The following NRDC variants were observed in gnomAD, a reference collection of about 807,000 sequenced individuals.
NRDC encodes the protein nardilysin.
In NRDC, 54 loss-of-function variants were observed where a neutral mutation model predicts 147.1. The ratio of observed to expected loss-of-function variants is 0.37; its 90% confidence interval spans 0.29 to 0.46. The LOEUF is 0.46. Ranked by LOEUF, NRDC falls within the 20% of genes least tolerant of loss-of-function variation. The pLI is 1.00. For missense variants in NRDC, 1,082 were observed against 1,370.6 expected (o/e 0.79, Z 3.33); for synonymous variants, 440 against 482.1 (o/e 0.91, Z 1.14).
At chr1:51,874,986 T>C (rs1460201802) in intron 1 of NRDC, among the ~76,000 whole-genome samples, 3 of 152,230 alleles carry the variant, frequency 2.0e-5, no homozygotes, top group Non-Finnish European at 4.4e-5. Context: ...TGATGCTATG[T>C]ACTGTAATGG....
chr1:51,798,347 T>G lies in NRDC; in HGVS notation c.2506A>C (p.Met836Leu). Residue 836 changes from methionine (M) to leucine (L), a missense_variant, in exon 22 of 31, where the codon ATG becomes CTG. Met to Leu is a conservative substitution (Grantham distance 15). Transcript: ENST00000352171. ...AGAGACTCAAGGGAAAGGCCGTCCATCAAAGCCTGGTACTTGTCAATCATA... is the reference window on the plus strand; with the variant it reads ...AGAGACTCAAGGGAAAGGCCGTCCAGCAAAGCCTGGTACTTGTCAATCATA... Reference protein sequence around the residue: ...WSMIDKYQALMDGLSLESLLS... With the variant: ...WSMIDKYQALLDGLSLESLLS... 6.2e-7 allele frequency: 1 copy of G among 1,614,066 alleles called. No individual in the cohort carries two copies. The highest frequency in any genetic ancestry group is 1.7e-5 in the Admixed American group (1 of 60,026).
At chr1:51,855,401 A>G (rs553254059) in intron 1 of NRDC, among the ~76,000 whole-genome samples, 34 of 152,250 alleles carry the variant, frequency 2.2e-4, no homozygotes, top group African/African-American at 7.7e-4. Context: ...AAAAGGAAAG[A>G]ATGTTTTTAT....
intron 14 of NRDC, among the ~76,000 whole-genome samples, 169 bp downstream of exon 14, chr1:51,813,866 C>A (rs1184793286): frequency 6.6e-6 from 1 of 152,110 alleles, no homozygotes; most frequent in Non-Finnish European, 1.5e-5. Context: ...TATAAATACT[C>A]AAAAACCCAA....
chr1:51,820,748 T>A (rs1680174284), intron 8 of NRDC, among the ~76,000 whole-genome samples: 1 of 152,150 alleles, frequency 6.6e-6, no homozygotes, highest in African/African-American at 2.4e-5. Context: ...ATTAGAAGAC[T>A]AATTGGGAAA....
At chr1:51,846,479 C>G (rs1681596487) in intron 1 of NRDC, among the ~76,000 whole-genome samples, 1 of 152,208 alleles carries the variant, frequency 6.6e-6, no homozygotes, top group Non-Finnish European at 1.5e-5. Context: ...TTCTTGGTCT[C>G]ACTGACTTCA....
At chr1:51,824,044 CT>C (rs1349864379) in intron 6 of NRDC, among the ~76,000 whole-genome samples, 6 of 151,698 alleles carry the variant, frequency 4.0e-5, no homozygotes, top group Non-Finnish European at 8.8e-5. Flanking sequence ...ACTCCCTAAG[CT>C]TCCTTGCTTA....
chr1:51,837,326 A>G, intron 2 of NRDC: 1 of 563,670 alleles, frequency 1.8e-6, no homozygotes. Flanking sequence ...GCCATGTGTC[A>G]GAAAATGAGT....
intron 1 of NRDC, among the ~76,000 whole-genome samples, chr1:51,864,425 A>G (rs1471262135): frequency 6.6e-6 from 1 of 152,200 alleles, no homozygotes; most frequent in Non-Finnish European, 1.5e-5. Flanking sequence ...CAAAAAACAT[A>G]CTATATTTTG....
chr1:51,790,844 T>C, intron 28 of NRDC, 56 bp downstream of exon 28: 1 of 1,443,474 alleles, frequency 6.9e-7, no homozygotes, highest in Non-Finnish European at 9.6e-7. Context: ...CTGTTAAGAT[T>C]TGTATCTGGG....
chr1:51,816,416 G>C (rs567036715), intron 10 of NRDC, 27 bp from the exon 11 acceptor site: 1 of 1,428,842 alleles, frequency 7.0e-7, no homozygotes, highest in Non-Finnish European at 9.5e-7. Context: ...ATGGTCAGAA[G>C]AAAAAAACAA....
Position 51,792,411 on chromosome 1 carries a change from C to T in NRDC, c.2789G>A (p.Ser930Asn). ...CTCCATAAGCGTATATTCTCTTAGA[C>T]TCCTGGTACCTGACTGAAAAGAGAA... ...VTVYYQSGTR[S>N]LREYTLMELL... The change falls in exon 25 of 31, where the codon AGT (serine) becomes AAT (asparagine). Residue 930 changes from serine (S) to asparagine (N), a missense_variant. By Grantham distance (46) the Ser-to-Asn change is conservative (BLOSUM62 1). Around this residue, in one of 3 missense-constraint regions of NRDC, gnomAD observed 635 missense variants for 923.8 expected, o/e 0.69. Coordinates refer to ENST00000352171, the MANE Select transcript of NRDC (RefSeq NM_001101662.2). The T allele has an allele frequency of 6.2e-7, 1 of 1,614,120 alleles. No individual in the cohort carries two copies. Among genetic ancestry groups the T allele is most frequent in the Non-Finnish European group, 8.5e-7 (1 of 1,179,974 alleles).
intron 4 of NRDC, among the ~76,000 whole-genome samples, chr1:51,832,658 G>A (rs551043336): frequency 2.3e-4 from 35 of 151,994 alleles, no homozygotes; most frequent in African/African-American, 8.0e-4. Context: ...GGTAGACTTT[G>A]GTCTGCAACC....
chr1:51,812,191 C>T (rs1014769196), intron 14 of NRDC, 93 bp from the exon 15 acceptor site: 7 of 872,048 alleles, frequency 8.0e-6, no homozygotes, highest in Admixed American at 2.1e-5. Flanking sequence ...TTCTTATTAA[C>T]AATAAAACCA....
chr1:51,797,361 T>C (rs1678977375), intron 22 of NRDC, among the ~76,000 whole-genome samples: 1 of 152,222 alleles, frequency 6.6e-6, no homozygotes, highest in Non-Finnish European at 1.5e-5. Context: ...ACCACCATTA[T>C]ATTTTCTGCT....
intron 1 of NRDC, among the ~76,000 whole-genome samples, chr1:51,858,786 A>G (rs1300938364): frequency 6.6e-6 from 1 of 152,204 alleles, no homozygotes; most frequent in Non-Finnish European, 1.5e-5. Flanking sequence ...CCCAACTAAA[A>G]TATACCTTCC....
chr1:51,824,726 C>G (rs1031822734), intron 6 of NRDC, among the ~76,000 whole-genome samples: 1 of 152,178 alleles, frequency 6.6e-6, no homozygotes, highest in African/African-American at 2.4e-5. Context: ...AAATGTCAGG[C>G]TGAGGTAGAG....
intron 6 of NRDC, among the ~76,000 whole-genome samples, chr1:51,825,017 C>T (rs1158916427): frequency 6.6e-6 from 1 of 152,096 alleles, no homozygotes; most frequent in Non-Finnish European, 1.5e-5. Context: ...TGATAATGAT[C>T]AAATGAAATA....
At chr1:51,867,874 G>C (rs1682892857) in intron 1 of NRDC, among the ~76,000 whole-genome samples, 1 of 152,214 alleles carries the variant, frequency 6.6e-6, no homozygotes, top group African/African-American at 2.4e-5. Flanking sequence ...TGAATAGCTA[G>C]AAGGACATAG....
intron 2 of NRDC, 93 bp from the exon 3 acceptor site, chr1:51,836,305 T>TTA (rs752398619): frequency 1.2e-5 from 19 of 1,587,288 alleles, no homozygotes; most frequent in Admixed American, 1.0e-4. Flanking sequence ...AGATGGATGT[T>TTA]TTCCAATAGG....
Sources: allele counts gnomAD v4.1 joint callset (sites outside exome capture counted in the v4.1 genomes callset), GRCh38; gene constraint gnomAD v4.1.1; regional missense constraint gnomAD v4.1.1; transcripts MANE v1.5; gene names NCBI Gene and HGNC (gene_info 2026-07-23, HGNC 2026-07-21).